The following PHACTR1 variants were observed in gnomAD, a reference collection of about 807,000 sequenced individuals.
The protein encoded by PHACTR1 is phosphatase and actin regulator 1.
PHACTR1 carries 16 observed loss-of-function variants against 69.2 expected under a neutral mutation model. The ratio of observed to expected loss-of-function variants is 0.23; its 90% CI spans 0.16 to 0.35. The LOEUF (loss-of-function observed/expected upper bound fraction) is 0.35, where lower values mean the gene tolerates loss of function less well. PHACTR1 is among the 10% of genes least tolerant of loss of function. The probability of loss-of-function intolerance (pLI) is 1.00; values close to 1 mark genes in which losing one functional copy is unlikely to be tolerated. For synonymous variants in PHACTR1, 312 were observed against 284.5 expected (o/e 1.10, Z -0.97); for missense variants, 510 against 734.7 (o/e 0.69, Z 3.54).
At chr6:12,851,555 A>G (rs1367469483) in intron 4 of PHACTR1, among the ~76,000 whole-genome samples, 1 of 152,214 alleles carries the variant, frequency 6.6e-6, no homozygotes, top group Non-Finnish European at 1.5e-5. Flanking sequence ...CCAGTAACTC[A>G]TCATGCACAG....
chr6:12,802,037 C>T (rs1368097367), intron 4 of PHACTR1, among the ~76,000 whole-genome samples: 1 of 150,622 alleles, frequency 6.6e-6, no homozygotes, highest in Non-Finnish European at 1.5e-5. Flanking sequence ...CTTACATAAC[C>T]CTTTGAATTT....
rs112122831 is a variant in PHACTR1, at chr6:12,787,426, G to A, written c.250+37636G>A. 5.3e-4 allele frequency among the ~76,000 whole-genome samples: 81 copies of A among 152,300 alleles called. 1 individual carries two copies. The highest frequency in any genetic ancestry group is 1.4e-3 in the African/African-American group (58 of 41,562). ...TTCCCATGACTTGAGTGTGAAAGGC[G>A]TAAGTCTCTTTTGTGTGGCAAATCT... On this transcript the variant is annotated intron_variant, in intron 4 of 14. Transcript: ENST00000332995.
In PHACTR1 at chr6:13,286,100, T is replaced by G. The variant is rs774526789; in HGVS notation, c.1651-46T>G. 2.7e-6 allele frequency: 4 copies of G among 1,507,238 alleles called. No individual in the cohort carries two copies. In the South Asian group the frequency reaches 5.1e-5, roughly 19 times the overall value. The allele number at this position is 1,507,238 out of a possible 1,614,324, so 93.4% of individuals were successfully genotyped here. ...GAATGAACTGAAAGGGGAGTTTTTT[T>G]CTGTCTCTCTCCCATTGCACATTGA... is the stretch of plus-strand genomic sequence containing the variant. On this transcript the variant is annotated intron_variant, in intron 13 of 14. Transcript: ENST00000332995.
chr6:12,934,038 A>T, intron 4 of PHACTR1: 4 of 1,436,918 alleles, frequency 2.8e-6, no homozygotes, highest in Non-Finnish European at 2.8e-6. Flanking sequence ...TGGAGTCTTG[A>T]AGTCCCAAAT....
intron 6 of PHACTR1, among the ~76,000 whole-genome samples, chr6:13,161,902 C>T (rs1418990139): frequency 1.3e-5 from 2 of 152,224 alleles, no homozygotes; most frequent in Non-Finnish European, 2.9e-5. Flanking sequence ...AAACTACGTT[C>T]TGTCATTATC....
intron 4 of PHACTR1, among the ~76,000 whole-genome samples, chr6:12,888,403 A>C (rs1171603357): frequency 6.6e-6 from 1 of 152,170 alleles, no homozygotes; most frequent in East Asian, 1.9e-4. Flanking sequence ...TAAATTACCT[A>C]GTTTCAGGTA....
rs71801444 is a variant in PHACTR1, at chr6:12,908,507, TA to T, written c.251-144846del. Among the ~76,000 whole-genome samples, 1,082 of 145,818 alleles carry T rather than the reference TA, an allele frequency of 7.4e-3. 8 individuals are homozygous for T. The highest frequency in any genetic ancestry group is 0.02 in the African/African-American group (785 of 39,664). ...TGTGCTAAGTGCAGTTGCAGAGATTTAAAAAAAAAAAAGGGTGCTGTGCAAA... is the reference window on the plus strand; with the variant it reads ...TGTGCTAAGTGCAGTTGCAGAGATTTAAAAAAAAAAAGGGTGCTGTGCAAA... On this transcript the variant is annotated intron_variant, in intron 4 of 14. Coordinates refer to ENST00000332995, the MANE Select transcript of PHACTR1 (RefSeq NM_030948.6).
intron 5 of PHACTR1, among the ~76,000 whole-genome samples, chr6:13,073,674 G>C (rs1809920558): frequency 6.6e-6 from 1 of 151,788 alleles, no homozygotes; most frequent in Non-Finnish European, 1.5e-5. Flanking sequence ...AAAGAGATCT[G>C]GGACCACAAG....
chr6:12,801,201 G>A (rs566002773), intron 4 of PHACTR1, among the ~76,000 whole-genome samples: 2 of 152,300 alleles, frequency 1.3e-5, no homozygotes, highest in East Asian at 1.9e-4. Context: ...GTAGAAGGGG[G>A]AATGTATTAT....
At chr6:13,156,732 C>T (rs774687670) in intron 5 of PHACTR1, among the ~76,000 whole-genome samples, 29 of 152,344 alleles carry the variant, frequency 1.9e-4, no homozygotes, top group Admixed American at 3.3e-4. Flanking sequence ...ATTCTCACCC[C>T]GTATTCCCTG....
rs1761880731 is a variant in PHACTR1, at chr6:13,179,466, A to T, written c.497-3053A>T. 6.7e-6 allele frequency among the ~76,000 whole-genome samples: 1 copy of T among 149,924 alleles called. No homozygotes were observed. Reference sequence around the variant, plus strand: ...TGTGTTTAAAAATGTCATAATAAAAAATTTAAAATATTACTTAAAAGTGGC... The same window carrying T: ...TGTGTTTAAAAATGTCATAATAAAATATTTAAAATATTACTTAAAAGTGGC... On this transcript the variant is annotated intron_variant, in intron 6 of 14. Coordinates refer to ENST00000332995, the MANE Select transcript of PHACTR1 (RefSeq NM_030948.6). This position sits in a 1 kb window ranked among gnomAD's most constrained non-coding sequence, Gnocchi z 4.2.
intron 5 of PHACTR1, among the ~76,000 whole-genome samples, chr6:13,127,418 A>T (rs886478414): frequency 6.6e-6 from 1 of 152,100 alleles, no homozygotes; most frequent in Non-Finnish European, 1.5e-5. Flanking sequence ...AACAACAAAA[A>T]AATTAGCTGG....
chr6:13,094,818 T>A (rs1399432073), intron 5 of PHACTR1, among the ~76,000 whole-genome samples: 1 of 152,124 alleles, frequency 6.6e-6, no homozygotes, highest in African/African-American at 2.4e-5. Context: ...GAGAAAAAAA[T>A]ATGCAACATT....
chr6:13,243,088 A>AT (rs1042211852), intron 10 of PHACTR1, among the ~76,000 whole-genome samples: 20 of 151,016 alleles, frequency 1.3e-4, no homozygotes, highest in South Asian at 4.2e-4. Context: ...TTCTCTTGCC[A>AT]TTTTTTTTTC....
At chr6:13,284,350 TCTA>T (rs1305709573) in intron 13 of PHACTR1, among the ~76,000 whole-genome samples, 1 of 151,396 alleles carries the variant, frequency 6.6e-6, no homozygotes, top group Non-Finnish European at 1.5e-5. Flanking sequence ...AAACCCCATC[TCTA>T]CTAAAAATAC....
intron 6 of PHACTR1, among the ~76,000 whole-genome samples, chr6:13,177,919 G>A (rs1385686248): frequency 6.6e-6 from 1 of 152,330 alleles, no homozygotes; most frequent in East Asian, 1.9e-4. Context: ...GATGATGCAT[G>A]TTGTCATCAA....
At chr6:12,927,891 C>A (rs917939436) in intron 4 of PHACTR1, among the ~76,000 whole-genome samples, 2 of 152,204 alleles carry the variant, frequency 1.3e-5, no homozygotes, top group Admixed American at 6.5e-5. Flanking sequence ...AGGAATTATC[C>A]TCCCGGCAGG....
intron 4 of PHACTR1, among the ~76,000 whole-genome samples, chr6:12,798,068 A>ACACACACACACACG (rs758442149): frequency 6.7e-6 from 1 of 149,912 alleles, no homozygotes; most frequent in Non-Finnish European, 1.5e-5. Context: ...ACACACACAC[A>ACACACACACACACG]CCCCTACATA....
At chr6:13,264,444 T>C (rs1252043779) in intron 10 of PHACTR1, among the ~76,000 whole-genome samples, 1 of 152,048 alleles carries the variant, frequency 6.6e-6, no homozygotes, top group African/African-American at 2.4e-5. Context: ...TTGGGCTGGG[T>C]GTGGTGGCTC....
Sources: allele counts gnomAD v4.1 joint callset (sites outside exome capture counted in the v4.1 genomes callset), GRCh38; gene constraint gnomAD v4.1.1; non-coding constraint Gnocchi (gnomAD v3.1); transcripts MANE v1.5; gene names NCBI Gene and HGNC (gene_info 2026-07-23, HGNC 2026-07-21).